CDK6: variants seen among roughly 807,000 people sequenced by gnomAD.
The protein encoded by CDK6 is cyclin dependent kinase 6, also known as cyclin-dependent kinase 6.
In CDK6, 6 loss-of-function variants were observed where a neutral mutation model predicts 37.1. The ratio of observed to expected loss-of-function variants is 0.16; its 90% CI spans 0.09 to 0.32. The LOEUF (loss-of-function observed/expected upper bound fraction) is 0.32, where lower values mean the gene tolerates loss of function less well. Among genes scored for constraint, CDK6 ranks in the 10% least tolerant of loss-of-function variants. The pLI, the probability that CDK6 is intolerant of heterozygous loss-of-function variation, is 1.00. For missense variants in CDK6, 224 were observed against 418.9 expected (o/e 0.53, Z 4.06); for synonymous variants, 160 against 161.3 (o/e 0.99, Z 0.06).
At position 92,613,753 on chromosome 7, in the gene CDK6, T is replaced by C. The variant is rs774237508; in HGVS notation, c.*1387A>G. ...ATGTAATTCACAAAGTAACAGTTTA[T>C]AGCAATCTGTGTGCTGGTGATAAAA... is the stretch of plus-strand genomic sequence containing the variant. On this transcript the variant is annotated 3_prime_UTR_variant, in exon 8 of 8. Coordinates refer to ENST00000424848, the MANE Select transcript of CDK6 (RefSeq NM_001145306.2). 4.3e-6 allele frequency: 1 copy of C among 233,090 alleles called. No individual in the cohort carries two copies. Among genetic ancestry groups the C allele is most frequent in the Admixed American group, 5.6e-5 (1 of 17,782 alleles). 14.4% of individuals were successfully genotyped at this position (233,090 alleles called of 1,614,324 possible). A position where few individuals can be genotyped will look rare whatever the true frequency, so the allele number is the denominator to read the frequency against.
intron 4 of CDK6, among the ~76,000 whole-genome samples, chr7:92,714,655 T>A (rs576674037): frequency 3.3e-5 from 5 of 152,204 alleles, no homozygotes; most frequent in Non-Finnish European, 7.3e-5. Context: ...TGATCTTTCA[T>A]CCATTCTGCA....
At chr7:92,703,036 T>C (rs543960297) in intron 4 of CDK6, among the ~76,000 whole-genome samples, 1 of 152,264 alleles carries the variant, frequency 6.6e-6, no homozygotes, top group African/African-American at 2.4e-5. Flanking sequence ...GGGGATAAAA[T>C]CATCCCTAAT....
intron 4 of CDK6, among the ~76,000 whole-genome samples, chr7:92,672,370 C>T (rs568661313): frequency 6.6e-6 from 1 of 151,578 alleles, no homozygotes; most frequent in African/African-American, 2.4e-5. Flanking sequence ...CCATGATGCT[C>T]TTTTCAGAAA....
intron 3 of CDK6, among the ~76,000 whole-genome samples, chr7:92,737,559 C>A (rs753806114): frequency 6.6e-6 from 1 of 152,060 alleles, no homozygotes; most frequent in Non-Finnish European, 1.5e-5. Context: ...GGATAATAAC[C>A]GGATACTATA....
intron 2 of CDK6, among the ~76,000 whole-genome samples, chr7:92,777,528 G>A (rs1288028153): frequency 6.6e-6 from 1 of 152,218 alleles, no homozygotes; most frequent in Admixed American, 6.5e-5. Context: ...TTACAGGTGT[G>A]AGCCACCGTG....
At chr7:92,764,956 C>CT in intron 3 of CDK6, among the ~76,000 whole-genome samples, 1 of 151,980 alleles carries the variant, frequency 6.6e-6, no homozygotes, top group Middle Eastern at 3.4e-3. Flanking sequence ...TAGAATGGTC[C>CT]TTTTTTTCAA....
chr7:92,710,958 G>T, intron 4 of CDK6: 1 of 626,564 alleles, frequency 1.6e-6, no homozygotes, highest in Non-Finnish European at 2.0e-6. Context: ...CGCCAGCAAA[G>T]GCAATGGCCA....
At chr7:92,727,323 C>T (rs182828694) in intron 3 of CDK6, among the ~76,000 whole-genome samples, 63 of 152,298 alleles carry the variant, frequency 4.1e-4, no homozygotes, top group Non-Finnish European at 7.1e-4. Flanking sequence ...ATCCTCTCAT[C>T]GAGAACAGTA....
chr7:92,780,715 C>T (rs1268987362), intron 2 of CDK6, among the ~76,000 whole-genome samples: 3 of 147,946 alleles, frequency 2.0e-5, no homozygotes, highest in Non-Finnish European at 3.0e-5. Flanking sequence ...GAGCCGAGAC[C>T]GTGCCACTGC....
chr7:92,637,726 G>C (rs546551637), intron 5 of CDK6, among the ~76,000 whole-genome samples: 1 of 152,216 alleles, frequency 6.6e-6, no homozygotes, highest in African/African-American at 2.4e-5. Context: ...CTGAGACTTA[G>C]GTTAAGTCAA....
intron 7 of CDK6, among the ~76,000 whole-genome samples, chr7:92,616,368 A>G (rs1015678355): frequency 6.6e-6 from 1 of 152,130 alleles, no homozygotes; most frequent in Non-Finnish European, 1.5e-5. Flanking sequence ...ATACAAACAG[A>G]AAGTTCTATG....
At chr7:92,692,443 G>T (rs55995419) in intron 4 of CDK6, among the ~76,000 whole-genome samples, 2,112 of 152,162 alleles carry the variant, frequency 0.014, 44 homozygotes, top group African/African-American at 0.045. Flanking sequence ...ACAGTACCTT[G>T]CTGCCTGAAT....
intron 2 of CDK6, among the ~76,000 whole-genome samples, chr7:92,775,760 TAAG>T (rs1789694072): frequency 6.6e-6 from 1 of 152,110 alleles, no homozygotes; most frequent in African/African-American, 2.4e-5. Context: ...ATATAAATAC[TAAG>T]AAAAAGCTAA....
At chr7:92,754,239 CAGA>C (rs539218189) in intron 3 of CDK6, among the ~76,000 whole-genome samples, 181 of 152,294 alleles carry the variant, frequency 1.2e-3, no homozygotes, top group African/African-American at 4.2e-3. Context: ...TCAGTAAAAT[CAGA>C]AGATGATTAT....
At position 92,675,626 on chromosome 7, in the gene CDK6, A is replaced by G. The variant is rs191125025; in HGVS notation, c.538-4091T>C. On this transcript the variant is annotated intron_variant, in intron 4 of 7. Coordinates refer to ENST00000424848, the MANE Select transcript of CDK6 (RefSeq NM_001145306.2). ...GTTATCAGGGATATTCAAGCTTCCA[A>G]TCTTTATTATATTCTGGAATAGTAC... Among the ~76,000 whole-genome samples the G allele has an allele frequency of 1.8e-4, 28 of 152,290 alleles. No individual in the cohort carries two copies. The East Asian group carries it at 5.2e-3, about 28-fold the overall frequency.
intron 4 of CDK6, among the ~76,000 whole-genome samples, chr7:92,682,627 A>T (rs1422178936): frequency 6.6e-6 from 1 of 152,220 alleles, no homozygotes; most frequent in South Asian, 2.1e-4. Flanking sequence ...TAAAGCAAGC[A>T]TAAAATAAAC....
At position 92,684,572 on chromosome 7, in the gene CDK6, TCC is replaced by T. The variant is rs564368078; in HGVS notation, c.538-13039_538-13038del. Among the ~76,000 whole-genome samples, 17 of 152,232 alleles carry T rather than the reference TCC, an allele frequency of 1.1e-4. No homozygotes were observed. The South Asian group carries it at 3.3e-3, about 30-fold the overall frequency. On this transcript the variant is annotated intron_variant, in intron 4 of 7. Transcript: ENST00000424848. ...TGTCTATGCTGTTCCCTAGATCCCT[TCC>T]CTGAAGACCAGGCATCACCCTTCCT...
chr7:92,809,995 A>G (rs1393406792), intron 2 of CDK6, among the ~76,000 whole-genome samples: 2 of 152,210 alleles, frequency 1.3e-5, no homozygotes, highest in African/African-American at 2.4e-5. Flanking sequence ...AACGCAGGGT[A>G]GGTCATGGAA....
In CDK6 at chr7:92,802,229, A is replaced by G. The variant is rs1367682049; in HGVS notation, c.234-27398T>C. On this transcript the variant is annotated intron_variant, in intron 2 of 7. Transcript: ENST00000424848. ...CTGAGTCTCCATTGTCCAACATTCT[A>G]CACTCTGCTTCCATGTGTACACATT... Among the ~76,000 whole-genome samples, 4 of 151,936 alleles carry G rather than the reference A, an allele frequency of 2.6e-5. 1 individual carries two copies. Among genetic ancestry groups the G allele is most frequent in the Non-Finnish European group, 5.9e-5 (4 of 67,988 alleles).
Sources: allele counts gnomAD v4.1 joint callset (sites outside exome capture counted in the v4.1 genomes callset), GRCh38; gene constraint gnomAD v4.1.1; transcripts MANE v1.5; gene names NCBI Gene and HGNC (gene_info 2026-07-23, HGNC 2026-07-21).